The following TACR1 variants were observed in gnomAD, a reference collection of about 807,000 sequenced individuals.
TACR1 encodes tachykinin receptor 1.
TACR1 carries 25 observed loss-of-function variants against 35.8 expected under a neutral mutation model. The observed-to-expected ratio is 0.70, with a 90% CI of 0.51 to 0.98. The LOEUF (loss-of-function observed/expected upper bound fraction) is 0.98. Ranked by LOEUF, TACR1 falls within the 50% of genes least tolerant of loss-of-function variation. The probability of loss-of-function intolerance (pLI) is 0.00; values close to 1 mark genes in which losing one functional copy is unlikely to be tolerated. For synonymous variants in TACR1, 195 were observed against 206.7 expected (o/e 0.94, Z 0.48); for missense variants, 478 against 522.9 (o/e 0.91, Z 0.84).
chr2:75,178,465 G>A (rs1045844988), intron 1 of TACR1, among the ~76,000 whole-genome samples: 3 of 151,748 alleles, frequency 2.0e-5, no homozygotes, highest in Non-Finnish European at 4.4e-5. Context: ...GATTACAGGC[G>A]TGAGCCACTG....
At chr2:75,093,073 G>A (rs1402330984) in intron 2 of TACR1, among the ~76,000 whole-genome samples, 1 of 152,210 alleles carries the variant, frequency 6.6e-6, no homozygotes, top group Non-Finnish European at 1.5e-5. Context: ...GAAACAGGCT[G>A]TGTATCTGAG....
At chr2:75,086,549 A>G (rs1673192564) in intron 2 of TACR1, among the ~76,000 whole-genome samples, 1 of 152,274 alleles carries the variant, frequency 6.6e-6, no homozygotes, top group South Asian at 2.1e-4. Context: ...CACCCAGTCC[A>G]TTGTACTATA....
chr2:75,055,651 C>T (rs948350948), intron 2 of TACR1, among the ~76,000 whole-genome samples: 11 of 152,160 alleles, frequency 7.2e-5, no homozygotes, highest in Admixed American at 2.0e-4. Context: ...TGAGCTTTGC[C>T]GAGACATTGC....
chr2:75,070,626 T>C (rs1015431282), intron 2 of TACR1, among the ~76,000 whole-genome samples: 3 of 152,260 alleles, frequency 2.0e-5, no homozygotes, highest in African/African-American at 7.2e-5. Context: ...TTTTCTGCAT[T>C]GTTTCTCCTG....
At chr2:75,099,554 A>G (rs1673492042) in intron 2 of TACR1, among the ~76,000 whole-genome samples, 1 of 152,164 alleles carries the variant, frequency 6.6e-6, no homozygotes, top group Admixed American at 6.5e-5. Flanking sequence ...TCATCTGATA[A>G]AAATCTCAGG....
chr2:75,067,671 G>C (rs1234966150), intron 2 of TACR1, among the ~76,000 whole-genome samples: 1 of 152,218 alleles, frequency 6.6e-6, no homozygotes, highest in Non-Finnish European at 1.5e-5. Context: ...GTTTAACAGA[G>C]ACCTGAAGTT....
At position 75,173,882 on chromosome 2, in the gene TACR1, G is replaced by T. The variant is rs554268530; in HGVS notation, c.389+24664C>A. 2.0e-4 allele frequency among the ~76,000 whole-genome samples: 31 copies of T among 152,312 alleles called. 1 individual carries two copies. Among genetic ancestry groups the T allele is most frequent in the Admixed American group, 1.6e-3 (24 of 15,304 alleles). ...ATGCAAAGAACAGTTCTGTAATGAG[G>T]TGTCTTACTCTGCTCCATTTTTTCT... On this transcript the variant is annotated intron_variant, in intron 1 of 4. Coordinates refer to ENST00000305249, the MANE Select transcript of TACR1 (RefSeq NM_001058.4).
intron 1 of TACR1, among the ~76,000 whole-genome samples, chr2:75,128,791 A>C (rs1674126338): frequency 6.6e-6 from 1 of 152,164 alleles, no homozygotes; most frequent in Admixed American, 6.5e-5. Context: ...GTAGCTCACA[A>C]CATTTGTGAG....
intron 2 of TACR1, among the ~76,000 whole-genome samples, chr2:75,085,273 C>G (rs1014266269): frequency 1.3e-5 from 2 of 152,078 alleles, no homozygotes; most frequent in Admixed American, 1.3e-4. Context: ...CCCAATTTTC[C>G]AGCCCCTTAC....
intron 2 of TACR1, among the ~76,000 whole-genome samples, 160 bp from the exon 3 acceptor site, chr2:75,053,915 C>T (rs1672519661): frequency 1.3e-5 from 2 of 152,190 alleles, no homozygotes; most frequent in Non-Finnish European, 1.5e-5. Context: ...AGACTTGTCA[C>T]CTGCATAGGG....
intron 2 of TACR1, among the ~76,000 whole-genome samples, chr2:75,094,857 A>ATTTTT (rs1414426554): frequency 3.3e-5 from 3 of 91,132 alleles, no homozygotes; most frequent in African/African-American, 1.9e-4. Flanking sequence ...ATATATATAT[A>ATTTTT]TATTTTTTTT....
intron 1 of TACR1, among the ~76,000 whole-genome samples, chr2:75,154,160 C>A (rs2103971594): frequency 6.6e-6 from 1 of 152,156 alleles, no homozygotes; most frequent in South Asian, 2.1e-4. Flanking sequence ...CCTGCTGCTG[C>A]CTTCCTCCCG....
chr2:75,126,909 C>T (rs1300181063), intron 1 of TACR1, among the ~76,000 whole-genome samples: 2 of 152,152 alleles, frequency 1.3e-5, no homozygotes, highest in Non-Finnish European at 2.9e-5. Context: ...ATCACTGATC[C>T]TTAGAGAAAT....
chr2:75,135,133 C>G (rs1674252890), intron 1 of TACR1, among the ~76,000 whole-genome samples: 1 of 152,136 alleles, frequency 6.6e-6, no homozygotes, highest in Non-Finnish European at 1.5e-5. Context: ...CAGTGGAACC[C>G]CTGCTGCCTG....
intron 1 of TACR1, among the ~76,000 whole-genome samples, chr2:75,178,243 G>C (rs1675475509): frequency 6.6e-6 from 1 of 151,154 alleles, no homozygotes; most frequent in Non-Finnish European, 1.5e-5. Context: ...GGAGTGCAGT[G>C]GTGTCATCTC....
intron 2 of TACR1, among the ~76,000 whole-genome samples, chr2:75,091,201 CAAAAAAAAAAAA>C (rs1184236584): frequency 3.2e-5 from 2 of 63,416 alleles, no homozygotes; most frequent in East Asian, 4.3e-4. Flanking sequence ...CTCGTAGGTG[CAAAAAAAAAAAA>C]AAAAAAAAAA....
intron 1 of TACR1, among the ~76,000 whole-genome samples, chr2:75,185,885 T>G (rs1203090849): frequency 6.6e-6 from 1 of 152,150 alleles, no homozygotes; most frequent in African/African-American, 2.4e-5. Context: ...GATGACAAAT[T>G]ATATGTTGTA....
intron 1 of TACR1, chr2:75,188,486 G>A (rs1177817472): frequency 6.6e-6 from 1 of 152,240 alleles, no homozygotes; most frequent in Non-Finnish European, 1.5e-5. Context: ...AGGCAGCTGT[G>A]TGATTTGTGA....
chr2:75,130,457 G>C (rs1674155831), intron 1 of TACR1, among the ~76,000 whole-genome samples: 1 of 152,206 alleles, frequency 6.6e-6, no homozygotes, highest in African/African-American at 2.4e-5. Flanking sequence ...TCTCTGGAGA[G>C]TATGAAGATT....
Sources: allele counts gnomAD v4.1 joint callset (sites outside exome capture counted in the v4.1 genomes callset), GRCh38; gene constraint gnomAD v4.1.1; transcripts MANE v1.5; gene names NCBI Gene and HGNC (gene_info 2026-07-23, HGNC 2026-07-21).